PLBD1: variants seen among roughly 807,000 people sequenced by gnomAD.
PLBD1 encodes lysosomal leucine aminopeptidase.
Under a neutral mutation model 63.0 loss-of-function variants are expected in PLBD1, and 60 were observed. That is an observed-to-expected ratio of 0.95 (90% CI 0.77 to 1.18). The LOEUF (loss-of-function observed/expected upper bound fraction) is 1.18. PLBD1 is among the 50% of genes most tolerant of loss of function. The probability of loss-of-function intolerance (pLI) is 0.00; values close to 1 mark genes in which losing one functional copy is unlikely to be tolerated. For missense variants in PLBD1, 598 were observed against 677.9 expected (o/e 0.88, Z 1.31); for synonymous variants, 262 against 248.0 (o/e 1.06, Z -0.53).
At chr12:14,513,779 A>G in intron 6 of PLBD1, among the ~76,000 whole-genome samples, 1 of 148,118 alleles carries the variant, frequency 6.8e-6, no homozygotes. Context: ...ACTAACTCTT[A>G]GTTTTTTTTT....
At chr12:14,516,982 TG>T (rs1945342049) in intron 6 of PLBD1, among the ~76,000 whole-genome samples, 1 of 152,038 alleles carries the variant, frequency 6.6e-6, no homozygotes, top group Non-Finnish European at 1.5e-5. Flanking sequence ...GAGGTTGCAG[TG>T]AGCTGAGATC....
intron 8 of PLBD1, among the ~76,000 whole-genome samples, chr12:14,510,931 G>A (rs974264376): frequency 1.3e-5 from 2 of 152,118 alleles, no homozygotes; most frequent in East Asian, 1.9e-4. Context: ...TAGTCCCTGG[G>A]CCACAGTGGC....
In PLBD1 at chr12:14,548,457, CAAAAAAAAAAAAA is replaced by C. The variant is rs56119793; in HGVS notation, c.335+4723_335+4735del. On this transcript the variant is annotated intron_variant, in intron 2 of 10. Coordinates refer to ENST00000240617, the MANE Select transcript of PLBD1 (RefSeq NM_024829.6). The stretch of plus-strand genomic sequence containing the variant: ...GGGTAACACAGGGAGACTCCATCTC[CAAAAAAAAAAAAA>C]AAAAAAAAAAAAGAAGAAGAAGAAG... Among the ~76,000 whole-genome samples the C allele has an allele frequency of 1.5e-3, 100 of 68,380 alleles. 2 individuals are homozygous for C. The highest frequency in any genetic ancestry group is 5.2e-3 in the African/African-American group (97 of 18,754). The allele number at this position is 68,380 out of a possible 152,430, so 44.9% of individuals were successfully genotyped here.
chr12:14,552,187 A>G (rs1945664809), intron 2 of PLBD1, among the ~76,000 whole-genome samples: 1 of 152,248 alleles, frequency 6.6e-6, no homozygotes, highest in African/African-American at 2.4e-5. Flanking sequence ...TCTAGGTCAC[A>G]GAGAATAAAA....
intron 1 of PLBD1, among the ~76,000 whole-genome samples, chr12:14,567,275 G>T (rs1229657209): frequency 6.6e-6 from 1 of 152,258 alleles, no homozygotes; most frequent in Non-Finnish European, 1.5e-5. Flanking sequence ...CCCATTGGCT[G>T]GAGTTTTTAA....
At chr12:14,523,496 A>T (rs1945393111) in intron 6 of PLBD1, among the ~76,000 whole-genome samples, 1 of 152,174 alleles carries the variant, frequency 6.6e-6, no homozygotes, top group African/African-American at 2.4e-5. Flanking sequence ...TGTGTATGGA[A>T]CCTCAAAAGA....
At chr12:14,521,932 G>T (rs891822296) in intron 6 of PLBD1, among the ~76,000 whole-genome samples, 9 of 151,666 alleles carry the variant, frequency 5.9e-5, no homozygotes, top group Non-Finnish European at 1.2e-4. Flanking sequence ...TATGAATAAA[G>T]AATTCAACAG....
chr12:14,514,995 C>T (rs1426322246), intron 6 of PLBD1, among the ~76,000 whole-genome samples: 7 of 152,116 alleles, frequency 4.6e-5, no homozygotes, highest in Admixed American at 4.6e-4. Context: ...TCATGATAAG[C>T]TTCTCACTGA....
Position 14,507,758 on chromosome 12 carries a change from C to G in PLBD1, c.1187-640G>C, listed in dbSNP as rs144916880. Among the ~76,000 whole-genome samples the G allele has an allele frequency of 1.5e-3, 232 of 152,238 alleles. 2 individuals are homozygous for G. The South Asian group carries it at 0.02, about 13-fold the overall frequency. Reference sequence around the variant, plus strand: ...CATTAGGCTTTTAATTCCTTTGACTCTAAACATTTATAAAGGCTCAGCTTC... The same window carrying G: ...CATTAGGCTTTTAATTCCTTTGACTGTAAACATTTATAAAGGCTCAGCTTC... On this transcript the variant is annotated intron_variant, in intron 8 of 10. Coordinates refer to ENST00000240617, the MANE Select transcript of PLBD1 (RefSeq NM_024829.6).
chr12:14,563,801 C>A (rs555181761), intron 1 of PLBD1, among the ~76,000 whole-genome samples: 1 of 152,258 alleles, frequency 6.6e-6, no homozygotes, highest in Non-Finnish European at 1.5e-5. Flanking sequence ...CAAACACAGG[C>A]ATTAGGGTTC....
intron 4 of PLBD1, among the ~76,000 whole-genome samples, chr12:14,537,669 G>T (rs1945531078): frequency 6.6e-6 from 1 of 152,190 alleles, no homozygotes; most frequent in Non-Finnish European, 1.5e-5. Context: ...TGCTGGAGCA[G>T]GTCCGGGTTA....
Position 14,547,754 on chromosome 12 carries a change from AC to A in PLBD1, c.335+5438del, listed in dbSNP as rs1318228891. Among the ~76,000 whole-genome samples, 3 of 152,198 alleles carry A rather than the reference AC, an allele frequency of 2.0e-5. No homozygotes were observed. The East Asian group carries it at 5.8e-4, about 30-fold the overall frequency. On this transcript the variant is annotated intron_variant, in intron 2 of 10. Coordinates refer to ENST00000240617, the MANE Select transcript of PLBD1 (RefSeq NM_024829.6). ...TGATGGCAATAACACATCATTTAGC[AC>A]CTGTCATGTACTACCTCCTACGCTC...
intron 6 of PLBD1, among the ~76,000 whole-genome samples, chr12:14,520,287 A>G (rs1945365212): frequency 6.6e-6 from 1 of 152,232 alleles, no homozygotes; most frequent in South Asian, 2.1e-4. Context: ...AGTTAGCTCT[A>G]TAATATGAAT....
rs1565568832 is a variant in PLBD1 at position 14,503,715 on chromosome 12, C to G, written c.*57G>C. ...CATAATTCTGATGGGAAAAACATAGCTAAAATAGTGCCTTTGGTATCTTAT... is the reference window on the plus strand; with the variant it reads ...CATAATTCTGATGGGAAAAACATAGGTAAAATAGTGCCTTTGGTATCTTAT... On this transcript the variant is annotated 3_prime_UTR_variant, in exon 11 of 11. Transcript: ENST00000240617. The G allele has an allele frequency of 6.9e-7, 1 of 1,445,998 alleles. No individual in the cohort carries two copies. Among genetic ancestry groups the G allele is most frequent in the African/African-American group, 1.4e-5 (1 of 70,230 alleles). 89.6% of individuals were successfully genotyped at this position (1,445,998 alleles called of 1,614,324 possible).
intron 6 of PLBD1, among the ~76,000 whole-genome samples, chr12:14,515,661 T>A (rs1945331183): frequency 3.3e-5 from 5 of 152,186 alleles, no homozygotes; most frequent in Admixed American, 3.3e-4. Context: ...ATATATTTAT[T>A]AAATAGGCAA....
intron 1 of PLBD1, chr12:14,553,618 G>A: frequency 1.7e-6 from 1 of 599,316 alleles, no homozygotes; most frequent in Non-Finnish European, 2.9e-6. Context: ...AAAACACAAA[G>A]AGCAAGGTCA....
chr12:14,562,459 CAA>C (rs58838197), intron 1 of PLBD1, among the ~76,000 whole-genome samples: 1 of 102,024 alleles, frequency 9.8e-6, no homozygotes, highest in Non-Finnish European at 1.8e-5. Context: ...GACTCCCTCT[CAA>C]AAAAAAAAAA....
intron 6 of PLBD1, among the ~76,000 whole-genome samples, chr12:14,512,835 G>A (rs111693513): frequency 6.6e-6 from 1 of 152,294 alleles, no homozygotes; most frequent in African/African-American, 2.4e-5. Context: ...GAGCTAGCTA[G>A]CCCCTTCCAC....
intron 3 of PLBD1, among the ~76,000 whole-genome samples, chr12:14,541,469 T>C (rs544413892): frequency 6.6e-6 from 1 of 152,220 alleles, no homozygotes; most frequent in Non-Finnish European, 1.5e-5. Flanking sequence ...TCACTCTTCT[T>C]CCAGTTCTCT....
Sources: gnomAD v4.1 joint callset for allele counts (sites outside exome capture counted in the v4.1 genomes callset) on GRCh38, gnomAD v4.1.1 for gene constraint, MANE v1.5 for transcripts, NCBI Gene and HGNC (gene_info 2026-07-23, HGNC 2026-07-21) for gene names.